The following SYNRG variants were observed in gnomAD, a reference collection of about 807,000 sequenced individuals.
The protein encoded by SYNRG is AP1 gamma subunit binding protein 1.
SYNRG carries 37 observed loss-of-function variants against 130.9 expected under a neutral mutation model. That is an observed-to-expected ratio of 0.28 (90% CI 0.22 to 0.37). The LOEUF (loss-of-function observed/expected upper bound fraction) is 0.37, where lower values mean the gene tolerates loss of function less well. Ranked by LOEUF, SYNRG falls within the 10% of genes least tolerant of loss-of-function variation. The probability of loss-of-function intolerance (pLI) is 1.00; values close to 1 mark genes in which losing one functional copy is unlikely to be tolerated. For missense variants in SYNRG, 1,338 were observed against 1,588.9 expected (o/e 0.84, Z 2.68); for synonymous variants, 539 against 568.1 (o/e 0.95, Z 0.73).
chr17:37,591,598 G>A (rs943992162), intron 3 of SYNRG, among the ~76,000 whole-genome samples: 1 of 152,148 alleles, frequency 6.6e-6, no homozygotes, highest in African/African-American at 2.4e-5. Flanking sequence ...GAAGGAACAG[G>A]CATATACATA....
intron 19 of SYNRG, chr17:37,529,944 C>T (rs987741185): frequency 1.8e-6 from 2 of 1,116,164 alleles, no homozygotes; most frequent in Non-Finnish European, 2.6e-6. Context: ...GCCACCCAAA[C>T]AAAGAACCTT....
chr17:37,544,703 GT>G (rs557677760), intron 14 of SYNRG, among the ~76,000 whole-genome samples: 5 of 151,964 alleles, frequency 3.3e-5, no homozygotes, highest in Non-Finnish European at 7.4e-5. Context: ...TTTTGTTTTC[GT>G]TTTTTTCCCC....
chr17:37,596,996 C>T (rs768656330), intron 2 of SYNRG, among the ~76,000 whole-genome samples: 1 of 152,308 alleles, frequency 6.6e-6, no homozygotes, highest in Middle Eastern at 3.4e-3. Context: ...CCCGCCTCAG[C>T]CTCCCAAAGT....
At chr17:37,563,575 T>C (rs1472755528) in intron 11 of SYNRG, among the ~76,000 whole-genome samples, 2 of 152,184 alleles carry the variant, frequency 1.3e-5, no homozygotes, top group Non-Finnish European at 2.9e-5. Flanking sequence ...TTGCCCAGGC[T>C]GGAGTGCAGC....
At chr17:37,566,621 G>T (rs1006632023) in intron 11 of SYNRG, among the ~76,000 whole-genome samples, 5 of 148,752 alleles carry the variant, frequency 3.4e-5, no homozygotes, top group African/African-American at 1.0e-4. Context: ...AAACACCCAA[G>T]AATTATCAAT....
chr17:37,566,202 G>T, intron 11 of SYNRG, among the ~76,000 whole-genome samples: 1 of 152,192 alleles, frequency 6.6e-6, no homozygotes, highest in African/African-American at 2.4e-5. Flanking sequence ...AGGCGGGAAA[G>T]GTGGGGAAAA....
At position 37,518,820 on chromosome 17, in the gene SYNRG, G is replaced by A; in HGVS notation, c.*120C>T. On this transcript the variant is annotated 3_prime_UTR_variant, in exon 22 of 22. Coordinates refer to ENST00000612223, the MANE Select transcript of SYNRG (RefSeq NM_007247.6). ...GATGACGGGGGCCCCGTCCCTTGCG[G>A]TGTTCTTCATATCGATTCAGGGAAG... The A allele has an allele frequency of 2.1e-6, 3 of 1,433,576 alleles. No individual in the cohort carries two copies. Among genetic ancestry groups the A allele is most frequent in the Middle Eastern group, 2.6e-4 (1 of 3,800 alleles). The allele number at this position is 1,433,576 out of a possible 1,614,324, so 88.8% of individuals were successfully genotyped here. A position where few individuals can be genotyped will look rare whatever the true frequency, so the allele number is the denominator to read the frequency against.
intron 3 of SYNRG, among the ~76,000 whole-genome samples, chr17:37,590,677 T>C (rs1285356760): frequency 2.0e-5 from 3 of 152,062 alleles, no homozygotes; most frequent in Admixed American, 1.3e-4. Context: ...TCCCGGCACT[T>C]TGGGAGGCAG....
rs907440540 is a variant in SYNRG at position 37,538,840 on chromosome 17, G to A, written c.3420+352C>T. On this transcript the variant is annotated intron_variant, in intron 17 of 21. Coordinates refer to ENST00000612223, the MANE Select transcript of SYNRG (RefSeq NM_007247.6). ...AAACTCCTGACCTCGTGATCCGCCC[G>A]CCTTGGCCTCCCAAAGTGCTGGGAT... Among the ~76,000 whole-genome samples, 13 of 152,190 alleles carry A rather than the reference G, an allele frequency of 8.5e-5. No individual in the cohort carries two copies. In the South Asian group the frequency reaches 1.0e-3, roughly 12 times the overall value.
intron 3 of SYNRG, among the ~76,000 whole-genome samples, chr17:37,591,002 T>C (rs1459826683): frequency 6.6e-6 from 1 of 152,160 alleles, no homozygotes; most frequent in African/African-American, 2.4e-5. Context: ...TTTTCAATTC[T>C]TTAAAAAAAT....
rs778228241 is a variant in SYNRG at position 37,571,772 on chromosome 17, C to T, written c.1098+19G>A. 8.7e-5 allele frequency: 138 copies of T among 1,589,908 alleles called. 1 individual carries two copies. In the Admixed American group the frequency reaches 1.7e-3, roughly 20 times the overall value. ...ATATTAATAAAGTTATTTGATCTAACTTAAGAAACATTGTTTACCTGTGTT... is the reference window on the plus strand; with the variant it reads ...ATATTAATAAAGTTATTTGATCTAATTTAAGAAACATTGTTTACCTGTGTT... On this transcript the variant is annotated intron_variant, in intron 9 of 21. Transcript: ENST00000612223.
chr17:37,570,548 C>A, intron 10 of SYNRG, 89 bp downstream of exon 10: 1 of 1,468,930 alleles, frequency 6.8e-7, no homozygotes, highest in Non-Finnish European at 9.1e-7. Context: ...CACCATAATC[C>A]AGTAACCTAC....
At chr17:37,533,191 A>G (rs938437021) in intron 19 of SYNRG, among the ~76,000 whole-genome samples, 4 of 152,184 alleles carry the variant, frequency 2.6e-5, no homozygotes, top group Non-Finnish European at 5.9e-5. Context: ...ACTTGAGGCC[A>G]GGAGTTTGAG....
Position 37,568,888 on chromosome 17 carries a change from G to A in SYNRG, c.1384C>T (p.Gln462Ter), listed in dbSNP as rs768672486. The A allele has an allele frequency of 6.2e-7, 1 of 1,614,000 alleles. No homozygotes were observed. Among genetic ancestry groups the A allele is most frequent in the Non-Finnish European group, 8.5e-7 (1 of 1,179,966 alleles). ...KPEEDDFQDF[Q>*]DASKSGSLDD... The stretch of plus-strand genomic sequence containing the variant: ...AGGGATCCTGACTTAGAAGCATCTT[G>A]AAAATCCTGGAAGTCATCTTCTTCT... Residue 462 changes from glutamine (Q) to a stop codon, truncating the protein, a stop_gained, in exon 11 of 22, where the codon CAA (glutamine) becomes TAA (stop). Transcript: ENST00000612223. LOFTEE classifies it high-confidence loss of function.
intron 15 of SYNRG, 160 bp from the exon 16 acceptor site, chr17:37,540,703 C>G: frequency 1.2e-6 from 1 of 850,576 alleles, no homozygotes. Context: ...GGTGTGATCT[C>G]GGCTCAGTGC....
In SYNRG at chr17:37,521,071, C is replaced by CG. The variant is rs1208587812; in HGVS notation, c.3667-424dup. On this transcript the variant is annotated intron_variant, in intron 19 of 21. Coordinates refer to ENST00000612223, the MANE Select transcript of SYNRG (RefSeq NM_007247.6). ...TTTTGGAGACAGAGTCTCACTCTGT[C>CG]GCCCAGGCTGGAGTGCAATGGTGTG... 3.4e-5 allele frequency among the ~76,000 whole-genome samples: 5 copies of CG among 148,732 alleles called. No individual in the cohort carries two copies. In the East Asian group the frequency reaches 9.9e-4, roughly 30 times the overall value.
intron 1 of SYNRG, among the ~76,000 whole-genome samples, chr17:37,604,240 T>TA (rs202156948): frequency 5.1e-4 from 72 of 142,104 alleles, no homozygotes; most frequent in Middle Eastern, 7.4e-3. Flanking sequence ...ACTCTGTCTA[T>TA]AAAAAAAAAA....
At chr17:37,539,370 TTA>T (rs1235820826) in intron 16 of SYNRG, 125 bp from the exon 17 acceptor site, 6 of 1,042,556 alleles carry the variant, frequency 5.8e-6, no homozygotes, top group South Asian at 1.6e-5. Context: ...TTCAAGCAGT[TTA>T]TGTTTTTTTT....
intron 1 of SYNRG, among the ~76,000 whole-genome samples, chr17:37,603,713 T>C (rs2063497004): frequency 6.6e-6 from 1 of 152,228 alleles, no homozygotes; most frequent in South Asian, 2.1e-4. Flanking sequence ...TAAACCATGC[T>C]GTAAACAGAT....
Sources: allele counts gnomAD v4.1 joint callset (sites outside exome capture counted in the v4.1 genomes callset), GRCh38; gene constraint gnomAD v4.1.1; transcripts MANE v1.5; gene names NCBI Gene and HGNC (gene_info 2026-07-23, HGNC 2026-07-21).